GYS1: variants seen among roughly 807,000 people sequenced by gnomAD.
The protein encoded by GYS1 is glycogen synthase 1, also known as glycogen [starch] synthase, muscle.
Under a neutral mutation model 89.1 loss-of-function variants are expected in GYS1, and 60 were observed. The observed-to-expected ratio is 0.67, with a 90% CI of 0.55 to 0.84. The LOEUF is 0.84. Among genes scored for constraint, GYS1 ranks in the 40% least tolerant of loss-of-function variants. The pLI is 0.00. For synonymous variants in GYS1, 366 were observed against 401.7 expected (o/e 0.91, Z 1.06); for missense variants, 888 against 1,003.1 (o/e 0.89, Z 1.55).
At chr19:48,990,002 G>GC (rs1555800132) in intron 2 of GYS1, among the ~76,000 whole-genome samples, 22 of 146,524 alleles carry the variant, frequency 1.5e-4, no homozygotes, top group East Asian at 7.9e-4. Context: ...TTTTGCTGGG[G>GC]GGGGGGGGGG....
At position 48,970,611 on chromosome 19, in the gene GYS1, G is replaced by A. The variant is rs770398662; in HGVS notation, c.1744C>T (p.Arg582Cys). The change falls in exon 14 of 16, where the codon CGT (arginine) becomes TGT (cysteine). Residue 582 changes from arginine (R) to cysteine (C), a missense_variant. Arg to Cys is a radical substitution (Grantham distance 180, BLOSUM62 -3). Transcript: ENST00000323798. ...TCCGTGCGGTTCCGCTGGATGATAC[G>A]CTGCCGCCGGCTCTGCTGACAGAAA... ...YSFCQQSRRQ[R>C]IIQRNRTERL... 5.6e-6 allele frequency: 9 copies of A among 1,613,844 alleles called. No homozygotes were observed. Among genetic ancestry groups the A allele is most frequent in the East Asian group, 2.2e-5 (1 of 44,884 alleles).
intron 8 of GYS1, 122 bp downstream of exon 8, chr19:48,981,406 GTC>G: frequency 1.4e-6 from 1 of 711,574 alleles, no homozygotes; most frequent in Non-Finnish European, 2.5e-6. Flanking sequence ...GAGTGAGACT[GTC>G]TCAAAAACAA....
In GYS1 at chr19:48,973,582, T is replaced by C. The variant is rs60078181; in HGVS notation, c.1549+631A>G. On this transcript the variant is annotated intron_variant, in intron 12 of 15. Transcript: ENST00000323798. ...ACAGCACTGCCGGAGTGCAGTGGCA[T>C]GATCTCAGCTCACTGCAACCTCCGC... is the stretch of plus-strand genomic sequence containing the variant. Among the ~76,000 whole-genome samples, 827 of 148,472 alleles carry C rather than the reference T, an allele frequency of 5.6e-3. 3 individuals are homozygous for C. The highest frequency in any genetic ancestry group is 0.018 in the African/African-American group (708 of 40,142).
In GYS1 at chr19:48,991,595, AG is replaced by A; in HGVS notation, c.119-113del. On this transcript the variant is annotated intron_variant, in intron 1 of 15. Coordinates refer to ENST00000323798, the MANE Select transcript of GYS1 (RefSeq NM_002103.5). This position sits in a 1 kb window ranked among gnomAD's most constrained non-coding sequence, Gnocchi z 4.7. The stretch of plus-strand genomic sequence containing the variant: ...CACTCAGGCCCCAGACCTCTAGCTC[AG>A]GGGGAAGAGGGGACTGGGAGCCCAT... 9.2e-7 allele frequency: 1 copy of A among 1,089,928 alleles called. No individual in the cohort carries two copies. The highest frequency in any genetic ancestry group is 1.3e-5 in the South Asian group (1 of 76,218). The allele number at this position is 1,089,928 out of a possible 1,614,324, so 67.5% of individuals were successfully genotyped here. A position where few individuals can be genotyped will look rare whatever the true frequency, so the allele number is the denominator to read the frequency against.
intron 1 of GYS1, 122 bp downstream of exon 1, chr19:48,992,873 C>T: frequency 1.4e-6 from 1 of 725,892 alleles, no homozygotes. Context: ...CTCAAGGACA[C>T]AGCCTCCTTG....
In GYS1 at chr19:48,979,336, C is replaced by T. The variant is rs12980490; in HGVS notation, c.1170-1179G>A. 4.6e-3 allele frequency among the ~76,000 whole-genome samples: 423 copies of T among 92,714 alleles called. 4 individuals are homozygous for T. Among genetic ancestry groups the T allele is most frequent in the South Asian group, 7.0e-3 (19 of 2,704 alleles). The allele number at this position is 92,714 out of a possible 152,430, so 60.8% of individuals were successfully genotyped here. A position where few individuals can be genotyped will look rare whatever the true frequency, so the allele number is the denominator to read the frequency against. On this transcript the variant is annotated intron_variant, in intron 8 of 15. Transcript: ENST00000323798. Reference sequence around the variant, plus strand: ...TTTGTCTCTTTTTCTTTTTTCTTTTCTTTTTTTTTTTTTTTTTTTTTTTTT... The same window carrying T: ...TTTGTCTCTTTTTCTTTTTTCTTTTTTTTTTTTTTTTTTTTTTTTTTTTTT...
intron 10 of GYS1, 125 bp downstream of exon 10, chr19:48,977,799 C>G (rs113600772): frequency 0.011 from 8,389 of 764,328 alleles, 83 homozygotes; most frequent in Middle Eastern, 0.024. Context: ...AGAATAGATC[C>G]CTTCATAAAG....
At chr19:48,977,836 G>T in intron 10 of GYS1, 88 bp downstream of exon 10, 2 of 962,092 alleles carry the variant, frequency 2.1e-6, no homozygotes, top group Non-Finnish European at 3.4e-6. Context: ...AGGACTCCCA[G>T]CAATCTCTGG....
chr19:48,974,953 C>T (rs982005697), intron 10 of GYS1, among the ~76,000 whole-genome samples: 2 of 152,014 alleles, frequency 1.3e-5, no homozygotes, highest in African/African-American at 2.4e-5. Context: ...ATTTTTGAGG[C>T]GGAGTCTCGC....
intron 8 of GYS1, among the ~76,000 whole-genome samples, chr19:48,981,216 T>C (rs1237886639): frequency 6.6e-6 from 1 of 151,398 alleles, no homozygotes; most frequent in Non-Finnish European, 1.5e-5. Context: ...AGTTTGAGAC[T>C]AGTCTGGCCA....
Position 48,970,945 on chromosome 19 carries a change from G to C in GYS1, c.1628C>G (p.Ala543Gly). Reference sequence around the variant, plus strand: ...GCGCTGACCGTAAGCTGAGGGGTCTGCGATGTGTTCCTCCATGAAGCAGCC... The same window carrying C: ...GCGCTGACCGTAAGCTGAGGGGTCTCCGATGTGTTCCTCCATGAAGCAGCC... The part of the protein sequence containing the change: ...GFGCFMEEHI[A>G]DPSAYGIYIL... The change falls in exon 13 of 16, where the codon GCA becomes GGA. Residue 543 changes from alanine to glycine, a missense_variant. Ala to Gly is a moderately conservative substitution (Grantham distance 60). Transcript: ENST00000323798. 6.2e-7 allele frequency: 1 copy of C among 1,613,386 alleles called. No homozygotes were observed. The highest frequency in any genetic ancestry group is 8.5e-7 in the Non-Finnish European group (1 of 1,179,322).
chr19:48,971,042 G>C lies in GYS1; in HGVS notation c.1550-19C>G, dbSNP rs2038557294. 1.3e-6 allele frequency: 2 copies of C among 1,552,886 alleles called. No homozygotes were observed. The highest frequency in any genetic ancestry group is 1.4e-5 in the African/African-American group (1 of 73,746). On this transcript the variant is annotated intron_variant, in intron 12 of 15. Coordinates refer to ENST00000323798, the MANE Select transcript of GYS1 (RefSeq NM_002103.5). Reference sequence around the variant, plus strand: ...CACTCAGCTGCGGGAAGGCAGGAGAGAGACCCACTTAGCTTCCCTCATCGC... The same window carrying C: ...CACTCAGCTGCGGGAAGGCAGGAGACAGACCCACTTAGCTTCCCTCATCGC...
Position 48,993,194 on chromosome 19 carries a change from G to C in GYS1, c.-82C>G, listed in dbSNP as rs1364260710. 9 of 823,528 alleles carry C rather than the reference G, an allele frequency of 1.1e-5. No homozygotes were observed. The highest frequency in any genetic ancestry group is 1.7e-5 in the Non-Finnish European group (8 of 464,928). The allele number at this position is 823,528 out of a possible 1,614,324, so 51.0% of individuals were successfully genotyped here. A position where few individuals can be genotyped will look rare whatever the true frequency, so the allele number is the denominator to read the frequency against. ...TAGGGAATGCACCAGGTAGGGTGCG[G>C]GGCCGAGTAGCTGGTGCCCGACGGG... On this transcript the variant is annotated 5_prime_UTR_variant, in exon 1 of 16. Transcript: ENST00000323798.
At chr19:48,977,874 C>G in intron 10 of GYS1, 50 bp downstream of exon 10, 1 of 1,442,596 alleles carries the variant, frequency 6.9e-7, no homozygotes, top group Non-Finnish European at 9.8e-7. Context: ...CAAGCTGCCT[C>G]TGGGGCTGCC....
intron 8 of GYS1, among the ~76,000 whole-genome samples, chr19:48,981,114 A>C (rs1478696571): frequency 8.0e-6 from 1 of 124,702 alleles, no homozygotes; most frequent in Non-Finnish European, 1.8e-5. Context: ...CTCCATCTCA[A>C]AATAAAAAAA....
intron 5 of GYS1, among the ~76,000 whole-genome samples, chr19:48,984,426 C>CG (rs2038809908): frequency 6.7e-6 from 1 of 148,198 alleles, no homozygotes; most frequent in Admixed American, 6.8e-5. Context: ...GATGGAGTCT[C>CG]GCTCTGTTGT....
intron 2 of GYS1, among the ~76,000 whole-genome samples, chr19:48,987,992 C>A (rs557762558): frequency 2.0e-5 from 3 of 152,136 alleles, no homozygotes; most frequent in African/African-American, 7.2e-5. Context: ...TCAGTAGAGA[C>A]GAGGTTTCAC....
rs1297501778 is a variant in GYS1 at position 48,991,197 on chromosome 19, C to T, written c.300+105G>A. On this transcript the variant is annotated intron_variant, in intron 2 of 15. Transcript: ENST00000323798. The surrounding 1 kb of genome is among the most constrained non-coding windows in gnomAD (Gnocchi z 4.7). ...CTCCTTCCTGTGTCCAAGCCTGCCT[C>T]GCTCTCTGGCTGGGGCTGTCCACCC... 12 of 1,249,716 alleles carry T rather than the reference C, an allele frequency of 9.6e-6. No homozygotes were observed. Among genetic ancestry groups the T allele is most frequent in the South Asian group, 3.6e-5 (3 of 82,722 alleles). The allele number at this position is 1,249,716 out of a possible 1,614,324, so 77.4% of individuals were successfully genotyped here.
chr19:48,970,879 C>T, intron 13 of GYS1, 49 bp downstream of exon 13: 1 of 1,486,060 alleles, frequency 6.7e-7, no homozygotes, highest in Non-Finnish European at 9.4e-7. Context: ...ATCCAGGAGT[C>T]ACTGTTCTCA....
Sources: allele counts gnomAD v4.1 joint callset (sites outside exome capture counted in the v4.1 genomes callset), GRCh38; gene constraint gnomAD v4.1.1; non-coding constraint Gnocchi (gnomAD v3.1); transcripts MANE v1.5; gene names NCBI Gene and HGNC (gene_info 2026-07-23, HGNC 2026-07-21).